Variants in DDX5 observed in about 807,000 individuals in gnomAD.
DDX5 encodes the protein probable ATP-dependent RNA helicase DDX5.
Under a neutral mutation model 68.6 loss-of-function variants are expected in DDX5, and 6 were observed. That is an observed-to-expected ratio of 0.09 (90% CI 0.05 to 0.17). DDX5 has a LOEUF of 0.17. Among genes scored for constraint, DDX5 ranks in the 10% least tolerant of loss-of-function variants. The pLI is 1.00. For synonymous variants in DDX5, 350 were observed against 247.0 expected (o/e 1.42, Z -3.91); for missense variants, 499 against 756.1 (o/e 0.66, Z 3.99).
intron 10 of DDX5, 27 bp downstream of exon 10, chr17:64,502,135 G>GA (rs1454737393): frequency 2.5e-6 from 4 of 1,613,724 alleles, no homozygotes; most frequent in African/African-American, 1.3e-5. Flanking sequence ...AAGTAAGGGG[G>GA]AAAAATACTT....
intron 1 of DDX5, 162 bp downstream of exon 1, chr17:64,505,914 C>T: frequency 1.3e-6 from 2 of 1,534,428 alleles, no homozygotes; most frequent in Non-Finnish European, 1.7e-6. Context: ...CTTCCAATCA[C>T]TGTGACGTGA....
chr17:64,502,582 A>G (rs1173621079), intron 8 of DDX5, 33 bp from the exon 9 acceptor site: 2 of 1,482,834 alleles, frequency 1.3e-6, no homozygotes, highest in African/African-American at 2.8e-5. Context: ...AAAAATCCTG[A>G]GTTTTAAAAG....
chr17:64,506,019 G>GGGCCCCCCCCCCCAA, intron 1 of DDX5, 57 bp downstream of exon 1: 17 of 1,360,280 alleles, frequency 1.2e-5, no homozygotes, highest in East Asian at 2.6e-5. Context: ...CCGCCACCCT[G>GGGCCCCCCCCCCCAA]ACCCGCCCTC....
rs948411839 is a variant in DDX5, at chr17:64,499,359, G to A, written c.*564C>T. Among the ~76,000 whole-genome samples the A allele has an allele frequency of 6.6e-6, 1 of 152,060 alleles. No individual in the cohort carries two copies. The highest frequency in any genetic ancestry group is 1.5e-5 in the Non-Finnish European group (1 of 68,008). The stretch of plus-strand genomic sequence containing the variant: ...AAGGCTATTAAATGACTCCCCTGAT[G>A]CTGGAAGCTGACAAAGCTTTTATGC... On this transcript the variant is annotated 3_prime_UTR_variant, in exon 13 of 13. Transcript: ENST00000225792.
At chr17:64,505,760 T>C (rs1555672238) in intron 1 of DDX5, 5 of 1,536,150 alleles carry the variant, frequency 3.3e-6, no homozygotes, top group Non-Finnish European at 4.4e-6. Context: ...CAGATGTTCC[T>C]TCGTCTGCCT....
At position 64,498,544 on chromosome 17, in the gene DDX5, A is replaced by C. The variant is rs967013354; in HGVS notation, c.*1379T>G. The stretch of plus-strand genomic sequence containing the variant: ...AAACCATCCAGGTTACTACAGGCTG[A>C]ATTAGTTTTCAATGTCTAAGTCCTA... On this transcript the variant is annotated 3_prime_UTR_variant, in exon 13 of 13. Transcript: ENST00000225792. 6.6e-6 allele frequency among the ~76,000 whole-genome samples: 1 copy of C among 152,238 alleles called. No individual in the cohort carries two copies.
At chr17:64,505,972 C>G (rs2038490931) in intron 1 of DDX5, 104 bp downstream of exon 1, 3 of 1,540,480 alleles carry the variant, frequency 1.9e-6, no homozygotes, top group South Asian at 1.2e-5. Context: ...CAAGATAGCC[C>G]GGAAAGGCCA....
rs1555671175 is a variant in DDX5, at chr17:64,502,043, G to A, written c.1183C>T (p.Leu395=). The A allele has an allele frequency of 6.2e-7, 1 of 1,614,204 alleles. No individual in the cohort carries two copies. The highest frequency in any genetic ancestry group is 1.3e-5 in the African/African-American group (1 of 75,050). ...CTGGAGGCCACATCTGTAGCAATCA[G>A]AATAGGAGCTTTTCCATGTTTGAAT... ...NEFKHGKAPI[L]IATDVASRGL... Residue 395 remains leucine, a synonymous_variant, in exon 11 of 13, where the codon CTG becomes TTG. Transcript: ENST00000225792.
At position 64,499,916 on chromosome 17, in the gene DDX5, T is replaced by C. The variant is rs1480430479; in HGVS notation, c.*7A>G. 6 of 1,573,974 alleles carry C rather than the reference T, an allele frequency of 3.8e-6. No homozygotes were observed. The African/African-American group carries it at 6.8e-5, about 18-fold the overall frequency. On this transcript the variant is annotated 3_prime_UTR_variant, in exon 13 of 13. Coordinates refer to ENST00000225792, the MANE Select transcript of DDX5 (RefSeq NM_004396.5). Reference sequence around the variant, plus strand: ...AAAAACAGACATTTACATATACTTCTAAAGTCTTATTGGGAATATCCTGTT... The same window carrying C: ...AAAAACAGACATTTACATATACTTCCAAAGTCTTATTGGGAATATCCTGTT...
rs528571490 is a variant in DDX5, at chr17:64,505,421, G to A, written c.45-579C>T. 5.7e-4 allele frequency: 308 copies of A among 544,352 alleles called. 1 individual carries two copies. Among genetic ancestry groups the A allele is most frequent in the Middle Eastern group, 2.5e-3 (5 of 2,030 alleles). The allele number at this position is 544,352 out of a possible 1,614,324, so 33.7% of individuals were successfully genotyped here. On this transcript the variant is annotated intron_variant, in intron 1 of 12. Coordinates refer to ENST00000225792, the MANE Select transcript of DDX5 (RefSeq NM_004396.5). ...TTATATAACGCAGGAAAAAAGAAAA[G>A]GAGGAGCCGGCGACTACCGGGGGAG... is the stretch of plus-strand genomic sequence containing the variant.
intron 8 of DDX5, 62 bp downstream of exon 8, chr17:64,502,864 G>T: frequency 1.4e-6 from 2 of 1,452,226 alleles, no homozygotes; most frequent in Non-Finnish European, 1.8e-6. Context: ...ACCAAACAAT[G>T]ATCCCTCAAT....
upstream of DDX5, chr17:64,506,736 A>T (rs979157178): frequency 2.3e-6 from 1 of 430,834 alleles, no homozygotes; most frequent in African/African-American, 2.1e-5. Context: ...GCGGAGGGAT[A>T]CAAAACGAAA....
intron 1 of DDX5, chr17:64,505,410 A>T (rs1247401871): frequency 5.7e-6 from 3 of 523,992 alleles, no homozygotes; most frequent in South Asian, 2.4e-5. Flanking sequence ...ATAACGCAGG[A>T]AAAAAGAAAA....
At chr17:64,505,852 T>A in intron 1 of DDX5, 1 of 1,535,790 alleles carries the variant, frequency 6.5e-7, no homozygotes, top group Non-Finnish European at 8.7e-7. Context: ...CCCCGACAGC[T>A]CCCCAATCCC....
At chr17:64,504,890 G>A in intron 1 of DDX5, 48 bp from the exon 2 acceptor site, 4 of 1,553,962 alleles carry the variant, frequency 2.6e-6, no homozygotes, top group Non-Finnish European at 3.5e-6. Context: ...GCTATACCCA[G>A]GTTTCTGTAT....
chr17:64,498,998 C>A lies in DDX5; in HGVS notation c.*925G>T, dbSNP rs962833628. ...TTCCCTGAATTATTGGAAAGACATT[C>A]ATGACTCCCAGTGTGACTAGTTAAG... On this transcript the variant is annotated 3_prime_UTR_variant, in exon 13 of 13. Coordinates refer to ENST00000225792, the MANE Select transcript of DDX5 (RefSeq NM_004396.5). Among the ~76,000 whole-genome samples, 1 of 152,210 alleles carries A rather than the reference C, an allele frequency of 6.6e-6. No individual in the cohort carries two copies. The highest frequency in any genetic ancestry group is 2.4e-5 in the African/African-American group (1 of 41,454).
At chr17:64,500,853 T>TA in intron 11 of DDX5, 80 bp from the exon 12 acceptor site, 1 of 1,021,484 alleles carries the variant, frequency 9.8e-7, no homozygotes, top group Non-Finnish European at 1.5e-6. Flanking sequence ...AATAAAAAGT[T>TA]AGACAATTGT....
At position 64,504,274 on chromosome 17, in the gene DDX5, T is replaced by C; in HGVS notation, c.255A>G (p.Arg85=). Residue 85 remains arginine, a synonymous_variant, in exon 3 of 13, where the codon AGA becomes AGG. Coordinates refer to ENST00000225792, the MANE Select transcript of DDX5 (RefSeq NM_004396.5). ...TYRRSKEITV[R]GHNCPKPVLN... ...GAACTGGCTTCGGGCAGTTGTGACCTCTAACTGTAATTTCCTTGCTTCTTC... is the reference window on the plus strand; with the variant it reads ...GAACTGGCTTCGGGCAGTTGTGACCCCTAACTGTAATTTCCTTGCTTCTTC... 2 of 1,614,134 alleles carry C rather than the reference T, an allele frequency of 1.2e-6. No individual in the cohort carries two copies. Among genetic ancestry groups the C allele is most frequent in the Non-Finnish European group, 1.7e-6 (2 of 1,180,026 alleles).
rs1011929460 is a variant in DDX5, at chr17:64,500,212, G to C, written c.1556C>G (p.Ser519Cys). ...CCCAAAATCTCTTTTAAGCAGGCTA[G>C]AGTAACCTCTGTCATAATTTTCCCT... Reference protein sequence around the residue: ...RDRENYDRGYSSLLKRDFGAK... With the variant: ...RDRENYDRGYCSLLKRDFGAK... Residue 519 changes from serine to cysteine, a missense_variant, in exon 13 of 13, where the codon TCT becomes TGT. Ser to Cys is a moderately radical substitution (Grantham distance 112). Around this residue, in one of 5 missense-constraint regions of DDX5, gnomAD observed 171 missense variants for 174.8 expected, o/e 0.98. Coordinates refer to ENST00000225792, the MANE Select transcript of DDX5 (RefSeq NM_004396.5). 8 of 1,614,158 alleles carry C rather than the reference G, an allele frequency of 5.0e-6. No homozygotes were observed. Among genetic ancestry groups the C allele is most frequent in the Non-Finnish European group, 6.8e-6 (8 of 1,180,020 alleles).
Sources: allele counts gnomAD v4.1 joint callset (sites outside exome capture counted in the v4.1 genomes callset), GRCh38; gene constraint gnomAD v4.1.1; regional missense constraint gnomAD v4.1.1; transcripts MANE v1.5; gene names NCBI Gene and HGNC (gene_info 2026-07-23, HGNC 2026-07-21).